Variants in NSUN6 observed in about 807,000 individuals in gnomAD.
The protein encoded by NSUN6 is NOP2/Sun RNA methyltransferase 6.
NSUN6 carries 64 observed loss-of-function variants against 58.0 expected under a neutral mutation model. The observed-to-expected ratio is 1.10, with a 90% CI of 0.90 to 1.36. The LOEUF is 1.36. Among genes scored for constraint, NSUN6 ranks in the 40% most tolerant of loss-of-function variants. NSUN6 has a pLI of 0.00. For synonymous variants in NSUN6, 231 were observed against 193.9 expected (o/e 1.19, Z -1.59); for missense variants, 701 against 550.1 (o/e 1.27, Z -2.74).
intron 3 of NSUN6, among the ~76,000 whole-genome samples, chr10:18,634,764 CAAACA>C (rs536322586): frequency 2.7e-5 from 4 of 150,206 alleles, no homozygotes; most frequent in Non-Finnish European, 4.4e-5. Flanking sequence ...CTCAAACAAA[CAAACA>C]AAACAAAACA....
intron 8 of NSUN6, among the ~76,000 whole-genome samples, chr10:18,553,583 T>A (rs1049908651): frequency 1.4e-5 from 2 of 141,540 alleles, no homozygotes; most frequent in African/African-American, 5.4e-5. Flanking sequence ...GGAATGGAGA[T>A]TGTTTTGAAT....
At chr10:18,551,753 T>A (rs1486634305) in intron 9 of NSUN6, 70 bp downstream of exon 9, 5 of 1,329,852 alleles carry the variant, frequency 3.8e-6, no homozygotes, top group Non-Finnish European at 5.3e-6. Context: ...CTATGGAGAT[T>A]GCTGTCAGTA....
chr10:18,645,635 T>C (rs890723167), intron 2 of NSUN6, among the ~76,000 whole-genome samples: 21 of 152,356 alleles, frequency 1.4e-4, no homozygotes, highest in South Asian at 4.1e-4. Flanking sequence ...TAAGAGCTGA[T>C]GTATATTTGG....
intron 3 of NSUN6, among the ~76,000 whole-genome samples, chr10:18,636,849 A>G (rs2059232570): frequency 6.6e-6 from 1 of 151,370 alleles, no homozygotes; most frequent in Admixed American, 6.6e-5. Flanking sequence ...AGGTCACTTC[A>G]CTGCACTCCA....
chr10:18,638,293 T>C (rs2059282048), intron 3 of NSUN6, among the ~76,000 whole-genome samples: 1 of 151,888 alleles, frequency 6.6e-6, no homozygotes, highest in Non-Finnish European at 1.5e-5. Context: ...ATACAAAAAA[T>C]TAGCTGGGCA....
intron 8 of NSUN6, among the ~76,000 whole-genome samples, chr10:18,564,083 C>T (rs1286187620): frequency 6.6e-6 from 1 of 150,688 alleles, no homozygotes; most frequent in African/African-American, 2.4e-5. Context: ...GATTCCATTC[C>T]ATTTCTTCCA....
intron 3 of NSUN6, among the ~76,000 whole-genome samples, chr10:18,617,745 C>T: frequency 6.6e-6 from 1 of 152,014 alleles, no homozygotes; most frequent in East Asian, 1.9e-4. Flanking sequence ...GCAACTTAAT[C>T]CCTAGTGCAA....
chr10:18,586,708 G>A (rs556227798), intron 7 of NSUN6, among the ~76,000 whole-genome samples: 7 of 152,218 alleles, frequency 4.6e-5, no homozygotes, highest in African/African-American at 1.2e-4. Context: ...AAGAGTCAGC[G>A]GCAGCAAGAT....
At chr10:18,644,212 G>A (rs1389701791) in intron 2 of NSUN6, among the ~76,000 whole-genome samples, 2 of 152,112 alleles carry the variant, frequency 1.3e-5, no homozygotes, top group Non-Finnish European at 2.9e-5. Flanking sequence ...CTATAAATGT[G>A]CCTTTTTCTG....
At chr10:18,625,046 T>C (rs928454237) in intron 3 of NSUN6, among the ~76,000 whole-genome samples, 1 of 152,206 alleles carries the variant, frequency 6.6e-6, no homozygotes, top group Non-Finnish European at 1.5e-5. Flanking sequence ...ACAACTATTT[T>C]ACATGTCACA....
At chr10:18,632,466 G>C (rs1463892514) in intron 3 of NSUN6, among the ~76,000 whole-genome samples, 2 of 147,388 alleles carry the variant, frequency 1.4e-5, no homozygotes, top group Non-Finnish European at 3.0e-5. Flanking sequence ...GAGTGAACAG[G>C]CAACCTACAA....
At chr10:18,651,761 G>C, upstream of NSUN6, 1 of 985,488 alleles carries the variant, frequency 1.0e-6, no homozygotes, top group Non-Finnish European at 1.2e-6. Flanking sequence ...CCTGCGTGAG[G>C]CTCTTTCACC....
chr10:18,601,982 A>G (rs551657272), intron 6 of NSUN6, among the ~76,000 whole-genome samples: 1 of 150,812 alleles, frequency 6.6e-6, no homozygotes, highest in Non-Finnish European at 1.5e-5. Flanking sequence ...CGGGGGAAAA[A>G]AAAAGGGAAA....
At chr10:18,582,774 T>C (rs1656398245) in intron 8 of NSUN6, among the ~76,000 whole-genome samples, 2 of 152,128 alleles carry the variant, frequency 1.3e-5, no homozygotes, top group Admixed American at 1.3e-4. Context: ...ACCACTGTAA[T>C]CCCAGGAGTA....
rs529018613 is a variant in NSUN6 at position 18,628,715 on chromosome 10, A to C, written c.312-12422T>G. 3.3e-5 allele frequency among the ~76,000 whole-genome samples: 5 copies of C among 152,300 alleles called. No individual in the cohort carries two copies. In the South Asian group the frequency reaches 1.0e-3, roughly 32 times the overall value. On this transcript the variant is annotated intron_variant, in intron 3 of 10. Transcript: ENST00000377304. ...AGGGAAGTTTAGAGAAAAAAGAATA[A>C]AAAGAAATGAGGAAAGCCTCCAAGA... is the stretch of plus-strand genomic sequence containing the variant.
chr10:18,625,720 TAA>T (rs71402188), intron 3 of NSUN6, among the ~76,000 whole-genome samples: 806 of 53,758 alleles, frequency 0.015, 8 homozygotes, highest in African/African-American at 0.028. Context: ...GTTTTTTTTT[TAA>T]AAAAAAAAAA....
At chr10:18,627,247 G>C (rs2058843066) in intron 3 of NSUN6, among the ~76,000 whole-genome samples, 1 of 152,124 alleles carries the variant, frequency 6.6e-6, no homozygotes, top group Admixed American at 6.6e-5. Flanking sequence ...CAGTAATTCA[G>C]TGATGCATTA....
At chr10:18,571,190 CCTTCCATTCT>C (rs990218984) in intron 8 of NSUN6, among the ~76,000 whole-genome samples, 7 of 151,062 alleles carry the variant, frequency 4.6e-5, no homozygotes, top group Admixed American at 1.3e-4. Flanking sequence ...CATTCCATTC[CCTTCCATTCT>C]CTTCCATTCT....
In NSUN6 at chr10:18,600,940, A is replaced by AT. The variant is rs1326778425; in HGVS notation, c.658-4614_658-4613insA. On this transcript the variant is annotated intron_variant, in intron 6 of 10. Coordinates refer to ENST00000377304, the MANE Select transcript of NSUN6 (RefSeq NM_182543.5). ...AAGACTCCATCTCAAAAAAAAAAAAAAATATATATATATATATATACATAT... is the reference window on the plus strand; with the variant it reads ...AAGACTCCATCTCAAAAAAAAAAAAATAATATATATATATATATATACATAT... 5.8e-3 allele frequency among the ~76,000 whole-genome samples: 325 copies of AT among 56,056 alleles called. 4 individuals are homozygous for AT. Among genetic ancestry groups the AT allele is most frequent in the Middle Eastern group, 0.036 (4 of 112 alleles). 36.8% of individuals were successfully genotyped at this position (56,056 alleles called of 152,430 possible).
Sources: allele counts gnomAD v4.1 joint callset (sites outside exome capture counted in the v4.1 genomes callset), GRCh38; gene constraint gnomAD v4.1.1; transcripts MANE v1.5; gene names NCBI Gene and HGNC (gene_info 2026-07-23, HGNC 2026-07-21).